Variants in MAGI1 observed in about 807,000 individuals in gnomAD.
MAGI1 encodes the protein membrane associated guanylate kinase, WW and PDZ domain containing 1.
Under a neutral mutation model 139.9 loss-of-function variants are expected in MAGI1, and 58 were observed. The ratio of observed to expected loss-of-function variants is 0.41; its 90% confidence interval spans 0.34 to 0.52. The LOEUF (loss-of-function observed/expected upper bound fraction) is 0.52, where lower values mean the gene tolerates loss of function less well. Among genes scored for constraint, MAGI1 ranks in the 20% least tolerant of loss-of-function variants. The probability of loss-of-function intolerance (pLI) is 0.12; values close to 1 mark genes in which losing one functional copy is unlikely to be tolerated. For synonymous variants in MAGI1, 812 were observed against 737.9 expected, an observed-to-expected ratio of 1.10 and a Z score of -1.63; for missense variants, 1,874 against 1,901.6, an observed-to-expected ratio of 0.99 and a Z score of 0.27.
chr3:65,622,098 A>T lies in MAGI1; in HGVS notation c.314-10T>A, dbSNP rs775246993. Reference sequence around the variant, plus strand: ...TTGTTCAGCCTTCCTCCTGCAGGAAATACATAAAATAGACATACCACATCA... The same window carrying T: ...TTGTTCAGCCTTCCTCCTGCAGGAATTACATAAAATAGACATACCACATCA... On this transcript the variant is annotated splice_polypyrimidine_tract_variant and intron_variant, in intron 1 of 22. Coordinates refer to ENST00000402939, the MANE Select transcript of MAGI1 (RefSeq NM_001033057.2). The T allele has an allele frequency of 1.9e-6, 3 of 1,578,422 alleles. No homozygotes were observed. The highest frequency in any genetic ancestry group is 3.3e-5 in the Admixed American group (2 of 59,954).
chr3:65,420,912 G>A (rs1321512366), intron 12 of MAGI1, among the ~76,000 whole-genome samples: 3 of 152,172 alleles, frequency 2.0e-5, no homozygotes, highest in Non-Finnish European at 4.4e-5. Flanking sequence ...ACTTTGCATT[G>A]TGAATATAAC....
chr3:65,594,529 T>C (rs1204121002), intron 2 of MAGI1, among the ~76,000 whole-genome samples: 1 of 152,230 alleles, frequency 6.6e-6, no homozygotes, highest in Non-Finnish European at 1.5e-5. Context: ...GCAGAGTTAC[T>C]GAATTAATGG....
intron 1 of MAGI1, among the ~76,000 whole-genome samples, chr3:65,929,318 G>A (rs2062679780): frequency 6.6e-6 from 1 of 151,492 alleles, no homozygotes; most frequent in African/African-American, 2.4e-5. Context: ...CAAAAACTCA[G>A]TCATCACACA....
chr3:65,613,647 GA>G (rs747571576), intron 2 of MAGI1, among the ~76,000 whole-genome samples: 1 of 152,104 alleles, frequency 6.6e-6, no homozygotes, highest in Non-Finnish European at 1.5e-5. Flanking sequence ...CGTATAATAA[GA>G]AATACAAAGA....
In MAGI1 at chr3:65,448,003, G is replaced by A. The variant is rs764177668; in HGVS notation, c.1078+19C>T. On this transcript the variant is annotated intron_variant, in intron 7 of 22. Coordinates refer to ENST00000402939, the MANE Select transcript of MAGI1 (RefSeq NM_001033057.2). ...GTCATGCACGTGTCATGCAGCAGCA[G>A]CAGGCAGGGAGGGTTTACCTAGTTC... 6.4e-5 allele frequency: 103 copies of A among 1,613,840 alleles called. No individual in the cohort carries two copies. Among genetic ancestry groups the A allele is most frequent in the Non-Finnish European group, 8.2e-5 (97 of 1,179,812 alleles).
intron 13 of MAGI1, among the ~76,000 whole-genome samples, chr3:65,391,754 G>C (rs986637744): frequency 2.0e-5 from 3 of 152,154 alleles, no homozygotes; most frequent in African/African-American, 7.2e-5. Context: ...ATAATATCCA[G>C]AAGAAATATA....
In MAGI1 at chr3:66,038,583, G is replaced by A; in HGVS notation, c.-275C>T. On this transcript the variant is annotated 5_prime_UTR_variant, in exon 1 of 23. The change creates a new upstream start codon in the 5' untranslated region. Coordinates refer to ENST00000402939, the MANE Select transcript of MAGI1 (RefSeq NM_001033057.2). ...TGGGTCCACGTTCCGGCGCCCGCCC[G>A]TGCTCTCCCGGACCAGAGTCCACTC... 2.3e-6 allele frequency: 1 copy of A among 437,986 alleles called. No homozygotes were observed. Among genetic ancestry groups the A allele is most frequent in the Admixed American group, 4.0e-5 (1 of 25,296 alleles). 27.1% of individuals were successfully genotyped at this position (437,986 alleles called of 1,614,324 possible).
chr3:65,944,973 G>A (rs1420499153), intron 1 of MAGI1, among the ~76,000 whole-genome samples: 2 of 152,164 alleles, frequency 1.3e-5, no homozygotes, highest in Non-Finnish European at 1.5e-5. Context: ...ATATTGCTGT[G>A]ATGGGGCATG....
At chr3:65,985,424 G>C (rs1455751741) in intron 1 of MAGI1, among the ~76,000 whole-genome samples, 1 of 152,132 alleles carries the variant, frequency 6.6e-6, no homozygotes, top group Non-Finnish European at 1.5e-5. Context: ...GAATTAGTTG[G>C]TATACAGGCT....
chr3:65,774,710 A>C (rs62244007), intron 1 of MAGI1, among the ~76,000 whole-genome samples: 1 of 152,214 alleles, frequency 6.6e-6, no homozygotes, highest in South Asian at 2.1e-4. Flanking sequence ...GAACAAGTAC[A>C]TGGAACATAT....
At chr3:65,478,213 A>C (rs1951019487) in intron 4 of MAGI1, among the ~76,000 whole-genome samples, 1 of 152,144 alleles carries the variant, frequency 6.6e-6, no homozygotes, top group African/African-American at 2.4e-5. Flanking sequence ...ATTTTGCTTC[A>C]TAGCAACCAG....
At chr3:65,401,845 C>G in intron 12 of MAGI1, 1 of 1,243,900 alleles carries the variant, frequency 8.0e-7, no homozygotes, top group Non-Finnish European at 1.0e-6. Context: ...CCTTTCCACA[C>G]GATCCACTTG....
At chr3:66,032,914 C>CAAAAAA (rs58736926) in intron 1 of MAGI1, among the ~76,000 whole-genome samples, 3 of 110,260 alleles carry the variant, frequency 2.7e-5, no homozygotes, top group African/African-American at 3.4e-5. Context: ...AACTCCATCT[C>CAAAAAA]AAAAAAAAAA....
At chr3:65,593,663 C>T (rs906828389) in intron 2 of MAGI1, among the ~76,000 whole-genome samples, 4 of 152,128 alleles carry the variant, frequency 2.6e-5, no homozygotes, top group African/African-American at 7.2e-5. Flanking sequence ...ACAGCCTGAA[C>T]TTCATAATGA....
chr3:65,448,252 G>A (rs1948796626), intron 6 of MAGI1, 195 bp from the exon 7 acceptor site: 2 of 606,116 alleles, frequency 3.3e-6, no homozygotes, highest in African/African-American at 1.8e-5. Context: ...AAAACGGGAA[G>A]AGCTGATATT....
At chr3:65,908,610 A>G (rs1221878139) in intron 1 of MAGI1, among the ~76,000 whole-genome samples, 1 of 152,222 alleles carries the variant, frequency 6.6e-6, no homozygotes, top group Admixed American at 6.5e-5. Context: ...GAATGAAACA[A>G]CTTTTAATTC....
chr3:65,693,651 G>A (rs1304414236), intron 1 of MAGI1, among the ~76,000 whole-genome samples: 1 of 152,148 alleles, frequency 6.6e-6, no homozygotes, highest in East Asian at 1.9e-4. Context: ...CCTGATCCAA[G>A]AAGACCAGCA....
At chr3:65,812,170 AC>A (rs1180475044) in intron 1 of MAGI1, among the ~76,000 whole-genome samples, 1 of 152,112 alleles carries the variant, frequency 6.6e-6, no homozygotes, top group Non-Finnish European at 1.5e-5. Context: ...CATAATAAAT[AC>A]TTTTTTTAAG....
intron 1 of MAGI1, among the ~76,000 whole-genome samples, chr3:65,766,900 A>C (rs1184386606): frequency 6.6e-6 from 1 of 152,162 alleles, no homozygotes; most frequent in Non-Finnish European, 1.5e-5. Flanking sequence ...AATAGTAATA[A>C]TAACAACAGA....
Sources: gnomAD v4.1 joint callset for allele counts (sites outside exome capture counted in the v4.1 genomes callset) on GRCh38, gnomAD v4.1.1 for gene constraint, MANE v1.5 for transcripts, NCBI Gene and HGNC (gene_info 2026-07-23, HGNC 2026-07-21) for gene names.